TBC1D5: variants seen among roughly 807,000 people sequenced by gnomAD.
TBC1D5 encodes TBC1 domain family member 5.
TBC1D5 carries 75 observed loss-of-function variants against 100.3 expected under a neutral mutation model. The observed-to-expected ratio is 0.75, with a 90% confidence interval of 0.62 to 0.91. The LOEUF (loss-of-function observed/expected upper bound fraction) is 0.91, where lower values mean the gene tolerates loss of function less well. Ranked by LOEUF, TBC1D5 falls within the 40% of genes least tolerant of loss-of-function variation. The pLI is 0.00. For synonymous variants in TBC1D5, 323 were observed against 325.6 expected, an observed-to-expected ratio of 0.99 and a Z score of 0.09; for missense variants, 910 against 942.4, an observed-to-expected ratio of 0.97 and a Z score of 0.45.
At chr3:17,588,871 C>T (rs1332732973) in intron 2 of TBC1D5, among the ~76,000 whole-genome samples, 2 of 152,150 alleles carry the variant, frequency 1.3e-5, no homozygotes, top group East Asian at 1.9e-4. Context: ...TTACTTAAAC[C>T]TTCTTGATTT....
chr3:17,613,130 G>A (rs1212381490), intron 2 of TBC1D5, among the ~76,000 whole-genome samples: 1 of 152,132 alleles, frequency 6.6e-6, no homozygotes, highest in East Asian at 1.9e-4. Context: ...GTGAGAACAT[G>A]CAGTGTTTGG....
At chr3:17,535,464 G>A (rs544045507) in intron 2 of TBC1D5, among the ~76,000 whole-genome samples, 2 of 152,234 alleles carry the variant, frequency 1.3e-5, no homozygotes, top group East Asian at 3.9e-4. Flanking sequence ...GAAATCTTGT[G>A]CCTTGTACCT....
At chr3:17,740,467 T>C (rs994956133) in exon 1 of TBC1D5, 8 of 152,078 alleles carry the variant, frequency 5.3e-5, no homozygotes, top group African/African-American at 1.9e-4. Context: ...ACTAAAAACT[T>C]CCACAAAGTT....
At chr3:17,566,245 G>A (rs73042863) in intron 2 of TBC1D5, among the ~76,000 whole-genome samples, 83 of 152,116 alleles carry the variant, frequency 5.5e-4, no homozygotes, top group Non-Finnish European at 9.6e-4. Flanking sequence ...GTGGAATTAT[G>A]CACTTACGTT....
Position 17,631,059 on chromosome 3 carries a change from A to G in TBC1D5, c.-100-7146T>C, listed in dbSNP as rs73028336. ...ACTCCGTCTCAAAAAAAAAAAAAAAAAAAGTTAGGCCTCCTGAACCAAAAA... is the reference window on the plus strand; with the variant it reads ...ACTCCGTCTCAAAAAAAAAAAAAAAGAAAGTTAGGCCTCCTGAACCAAAAA... On this transcript the variant is annotated intron_variant, in intron 1 of 21. Coordinates refer to ENST00000253692, the Ensembl canonical transcript of TBC1D5. 2.8e-4 allele frequency among the ~76,000 whole-genome samples: 37 copies of G among 133,348 alleles called. 2 individuals carry two copies. Among genetic ancestry groups the G allele is most frequent in the Non-Finnish European group, 2.8e-4 (18 of 64,012 alleles). The allele number at this position is 133,348 out of a possible 152,430, so 87.5% of individuals were successfully genotyped here.
chr3:17,675,475 G>C (rs2068508082), intron 1 of TBC1D5, among the ~76,000 whole-genome samples: 1 of 152,058 alleles, frequency 6.6e-6, no homozygotes. Context: ...CTTAAGAAAA[G>C]ATACGTTCCT....
At position 17,238,604 on chromosome 3, in the gene TBC1D5, T is replaced by C. The variant is rs73817223; in HGVS notation, c.1332-185A>G. On this transcript the variant is annotated intron_variant, in intron 16 of 21. Coordinates refer to ENST00000253692, the Ensembl canonical transcript of TBC1D5. ...ATAAATAATGAGTTTCTTAAAAACA[T>C]AGCTTATGGAAAACAGTCTTATTTA... Among the ~76,000 whole-genome samples the C allele has an allele frequency of 3.8e-3, 578 of 152,344 alleles. 2 individuals are homozygous for C. The highest frequency in any genetic ancestry group is 0.013 in the African/African-American group (559 of 41,590).
At chr3:17,379,079 C>T (rs2092826194) in intron 9 of TBC1D5, among the ~76,000 whole-genome samples, 1 of 151,212 alleles carries the variant, frequency 6.6e-6, no homozygotes, top group South Asian at 2.1e-4. Context: ...TCTAATATTT[C>T]CTATTTTCTG....
At chr3:17,489,688 G>A (rs1246426859) in intron 3 of TBC1D5, among the ~76,000 whole-genome samples, 1 of 152,114 alleles carries the variant, frequency 6.6e-6, no homozygotes, top group East Asian at 1.9e-4. Flanking sequence ...ACATGATGGT[G>A]TTCCCTTTTT....
rs550005021 is a variant in TBC1D5, at chr3:17,227,482, G to A, written c.1588+10681C>T. Among the ~76,000 whole-genome samples, 3 of 152,112 alleles carry A rather than the reference G, an allele frequency of 2.0e-5. No homozygotes were observed. The East Asian group carries it at 5.8e-4, about 29-fold the overall frequency. ...CAATTATCAAATTTTTTCTAAAGTTGAAGGTGCCCCATTATACACCATGGA... is the reference window on the plus strand; with the variant it reads ...CAATTATCAAATTTTTTCTAAAGTTAAAGGTGCCCCATTATACACCATGGA... On this transcript the variant is annotated intron_variant, in intron 17 of 21. Coordinates refer to ENST00000253692, the Ensembl canonical transcript of TBC1D5.
At chr3:17,279,267 C>T (rs1474387954) in intron 15 of TBC1D5, among the ~76,000 whole-genome samples, 1 of 152,168 alleles carries the variant, frequency 6.6e-6, no homozygotes, top group Non-Finnish European at 1.5e-5. Flanking sequence ...GTCCTGACAT[C>T]TCTCAGGTAT....
chr3:17,516,207 C>T (rs1420051991), intron 2 of TBC1D5, among the ~76,000 whole-genome samples: 1 of 152,220 alleles, frequency 6.6e-6, no homozygotes, highest in Non-Finnish European at 1.5e-5. Flanking sequence ...GAAGTAATTT[C>T]TCCCTGCTCT....
chr3:17,737,091 T>C (rs1179456294), intron 1 of TBC1D5, among the ~76,000 whole-genome samples: 2 of 152,170 alleles, frequency 1.3e-5, no homozygotes, highest in Non-Finnish European at 2.9e-5. Flanking sequence ...TCCCCACTTA[T>C]CAGCAAACAG....
chr3:17,516,306 C>T (rs1416596610), intron 2 of TBC1D5, among the ~76,000 whole-genome samples: 2 of 151,796 alleles, frequency 1.3e-5, no homozygotes, highest in Non-Finnish European at 2.9e-5. Flanking sequence ...TTAATGGTTC[C>T]CCTCTATTTA....
rs193225744 is a variant in TBC1D5, at chr3:17,348,237, T to C, written c.995+23838A>G. Among the ~76,000 whole-genome samples the C allele has an allele frequency of 3.0e-3, 456 of 152,350 alleles. 4 individuals are homozygous for C. Among genetic ancestry groups the C allele is most frequent in the African/African-American group, 0.01 (432 of 41,588 alleles). ...TCACCTTGGAACTATCACAGCCCCA[T>C]GGAATTCTTCATGTAAAAGTACAAC... On this transcript the variant is annotated intron_variant, in intron 13 of 21. Transcript: ENST00000253692.
intron 1 of TBC1D5, among the ~76,000 whole-genome samples, chr3:17,656,706 C>T (rs1440904279): frequency 6.6e-6 from 1 of 152,072 alleles, no homozygotes. Flanking sequence ...CAGTGTATGT[C>T]AAATACTACT....
intron 2 of TBC1D5, among the ~76,000 whole-genome samples, chr3:17,539,757 A>G (rs1404795928): frequency 2.0e-5 from 3 of 152,238 alleles, no homozygotes; most frequent in African/African-American, 4.8e-5. Flanking sequence ...TTTTTAGTTT[A>G]CAATTCCATA....
intron 2 of TBC1D5, among the ~76,000 whole-genome samples, chr3:17,536,981 G>A (rs2096288593): frequency 6.6e-6 from 1 of 152,168 alleles, no homozygotes; most frequent in African/African-American, 2.4e-5. Flanking sequence ...CCTTAAAGGT[G>A]TCAGACTGTT....
At chr3:17,279,724 A>G (rs186434329) in intron 15 of TBC1D5, among the ~76,000 whole-genome samples, 5 of 152,230 alleles carry the variant, frequency 3.3e-5, no homozygotes, top group Admixed American at 3.3e-4. Context: ...AGTGTTGTCC[A>G]TGGCCACCAG....
Sources: gnomAD v4.1 joint callset for allele counts (sites outside exome capture counted in the v4.1 genomes callset) on GRCh38, gnomAD v4.1.1 for gene constraint, MANE v1.5 for transcripts, NCBI Gene and HGNC (gene_info 2026-07-23, HGNC 2026-07-21) for gene names.